LAMA1: variants seen among roughly 807,000 people sequenced by gnomAD.
The protein encoded by LAMA1 is laminin subunit alpha 1.
Under a neutral mutation model 348.7 loss-of-function variants are expected in LAMA1, and 219 were observed. The observed-to-expected ratio is 0.63, with a 90% CI of 0.56 to 0.70. The LOEUF (loss-of-function observed/expected upper bound fraction) is 0.70, where lower values mean the gene tolerates loss of function less well. LAMA1 is among the 30% of genes least tolerant of loss of function. The probability of loss-of-function intolerance (pLI) is 0.00; values close to 1 mark genes in which losing one functional copy is unlikely to be tolerated. For missense variants in LAMA1, 3,744 were observed against 3,888.0 expected (o/e 0.96, Z 0.99); for synonymous variants, 1,487 against 1,491.0 (o/e 1.00, Z 0.06).
chr18:7,105,183 A>C (rs2058306933), intron 1 of LAMA1, among the ~76,000 whole-genome samples: 1 of 152,158 alleles, frequency 6.6e-6, no homozygotes, highest in Non-Finnish European at 1.5e-5. Context: ...TCACACCTGT[A>C]AGCCCAGCAC....
At chr18:6,956,575 T>C (rs754034695) in intron 56 of LAMA1, 61 bp downstream of exon 56, 11 of 1,611,630 alleles carry the variant, frequency 6.8e-6, no homozygotes, top group Non-Finnish European at 5.9e-6. Flanking sequence ...TTTAACTCCC[T>C]CTGTCCTAGG....
intron 29 of LAMA1, among the ~76,000 whole-genome samples, chr18:7,006,288 T>C (rs1173058909): frequency 6.6e-6 from 1 of 152,156 alleles, no homozygotes; most frequent in Admixed American, 6.5e-5. Flanking sequence ...CCGAGACCAA[T>C]CTTGGCCTAG....
At chr18:7,053,510 T>C (rs546620790) in intron 3 of LAMA1, among the ~76,000 whole-genome samples, 5 of 152,106 alleles carry the variant, frequency 3.3e-5, no homozygotes, top group African/African-American at 1.2e-4. Context: ...AAATGTCTAT[T>C]AATTGAAAAA....
rs914044090 is a variant in LAMA1, at chr18:7,043,084, T to C, written c.1155+143A>G. 25 of 765,646 alleles carry C rather than the reference T, an allele frequency of 3.3e-5. No homozygotes were observed. In the East Asian group the frequency reaches 3.9e-4, roughly 12 times the overall value. 47.4% of individuals were successfully genotyped at this position (765,646 alleles called of 1,614,324 possible). ...GAAAAGCAGGATAGAGTAGGAAATA[T>C]ATATATAAAAACACTACTGGCATAA... On this transcript the variant is annotated intron_variant, in intron 8 of 62. Coordinates refer to ENST00000389658, the MANE Select transcript of LAMA1 (RefSeq NM_005559.4).
At chr18:7,007,084 C>T (rs2057835440) in intron 29 of LAMA1, 55 bp downstream of exon 29, 7 of 1,605,372 alleles carry the variant, frequency 4.4e-6, no homozygotes, top group Non-Finnish European at 6.0e-6. Flanking sequence ...AAATCTGACA[C>T]TCAGCGTCCA....
Position 7,100,518 on chromosome 18 carries a change from G to A in LAMA1, c.61+17142C>T, listed in dbSNP as rs114836910. On this transcript the variant is annotated intron_variant, in intron 1 of 62. Transcript: ENST00000389658. ...CCTATATCTAAACAAAGAATTGTATGTGAATGTTTACAGCATTCTTCTTGA... is the reference window on the plus strand; with the variant it reads ...CCTATATCTAAACAAAGAATTGTATATGAATGTTTACAGCATTCTTCTTGA... Among the ~76,000 whole-genome samples the A allele has an allele frequency of 3.3e-3, 506 of 152,296 alleles. 3 individuals carry two copies. Among genetic ancestry groups the A allele is most frequent in the African/African-American group, 0.012 (484 of 41,556 alleles).
chr18:7,007,055 C>T lies in LAMA1; in HGVS notation c.4260+84G>A, dbSNP rs990773471. 29 of 1,562,516 alleles carry T rather than the reference C, an allele frequency of 1.9e-5. No individual in the cohort carries two copies. In the African/African-American group the frequency reaches 3.3e-4, roughly 18 times the overall value. On this transcript the variant is annotated intron_variant, in intron 29 of 62. Transcript: ENST00000389658. ...TTTAACCTCTCACTAAACCAAGGCA[C>T]GGCTATGACTTAGACCGGAAATCTG...
chr18:6,949,037 C>A (rs1002951162), intron 59 of LAMA1, 64 bp downstream of exon 59: 1 of 1,593,686 alleles, frequency 6.3e-7, no homozygotes, highest in African/African-American at 1.3e-5. Flanking sequence ...GTGAGGTATG[C>A]TCTTCTACAA....
chr18:7,024,635 C>A (rs1481335683), intron 17 of LAMA1, among the ~76,000 whole-genome samples, 169 bp from the exon 18 acceptor site: 2 of 152,190 alleles, frequency 1.3e-5, no homozygotes, highest in Non-Finnish European at 2.9e-5. Context: ...GAGTCTCAAC[C>A]CCTCACAGAC....
chr18:6,964,920 C>T lies in LAMA1; in HGVS notation c.7196-117G>A, dbSNP rs143869606. On this transcript the variant is annotated intron_variant, in intron 50 of 62. Coordinates refer to ENST00000389658, the MANE Select transcript of LAMA1 (RefSeq NM_005559.4). ...CAAATGCATATTCTTTTAGATTCTG[C>T]GAATTTGATCAGCTAATGTTCTTGG... is the stretch of plus-strand genomic sequence containing the variant. The T allele has an allele frequency of 1.7e-3, 1,976 of 1,165,946 alleles. 29 individuals carry two copies. In the African/African-American group the frequency reaches 0.024, roughly 14 times the overall value. 72.2% of individuals were successfully genotyped at this position (1,165,946 alleles called of 1,614,324 possible).
chr18:7,045,861 A>AATCTTG (rs1344980603), intron 6 of LAMA1, among the ~76,000 whole-genome samples: 1 of 152,034 alleles, frequency 6.6e-6, no homozygotes, highest in African/African-American at 2.4e-5. Context: ...GCCCCTTTTA[A>AATCTTG]ATCTTGATTT....
At position 7,104,687 on chromosome 18, in the gene LAMA1, A is replaced by G. The variant is rs1199723180; in HGVS notation, c.61+12973T>C. On this transcript the variant is annotated intron_variant, in intron 1 of 62. Transcript: ENST00000389658. ...TCAATAGAGAATGAGATGCCATTGA[A>G]GCAATTCAACAGGGATGGCATGACA... 2.0e-5 allele frequency among the ~76,000 whole-genome samples: 3 copies of G among 152,360 alleles called. No homozygotes were observed. In the East Asian group the frequency reaches 5.8e-4, roughly 29 times the overall value.
In LAMA1 at chr18:6,975,908, G is replaced by C. The variant is rs1449021603; in HGVS notation, c.6489+29C>G. On this transcript the variant is annotated intron_variant, in intron 45 of 62. Coordinates refer to ENST00000389658, the MANE Select transcript of LAMA1 (RefSeq NM_005559.4). Reference sequence around the variant, plus strand: ...AATCTAGAAGTGCATAAAAGATTCAGTGTCGCTTTCCAAAGGTCCATAACT... The same window carrying C: ...AATCTAGAAGTGCATAAAAGATTCACTGTCGCTTTCCAAAGGTCCATAACT... The C allele has an allele frequency of 2.5e-6, 4 of 1,613,500 alleles. No individual in the cohort carries two copies. The African/African-American group carries it at 5.3e-5, about 22-fold the overall frequency.
chr18:7,015,588 G>GTTTTT (rs35052861), intron 22 of LAMA1, 134 bp downstream of exon 22: 73 of 917,682 alleles, frequency 8.0e-5, no homozygotes, highest in Non-Finnish European at 9.5e-5. Flanking sequence ...CCCACATTGA[G>GTTTTT]TTTTTTTTTT....
intron 1 of LAMA1, among the ~76,000 whole-genome samples, chr18:7,085,298 T>A (rs962559996): frequency 6.6e-6 from 1 of 152,048 alleles, no homozygotes; most frequent in Non-Finnish European, 1.5e-5. Context: ...TTTGGAAAAG[T>A]AGGAATTTAA....
At chr18:7,065,011 A>G (rs2058116826) in intron 3 of LAMA1, among the ~76,000 whole-genome samples, 1 of 151,574 alleles carries the variant, frequency 6.6e-6, no homozygotes, top group Non-Finnish European at 1.5e-5. Flanking sequence ...GGGCAGGTGG[A>G]TCACAAGGTC....
At chr18:6,995,141 G>T (rs771614113) in intron 34 of LAMA1, among the ~76,000 whole-genome samples, 15 of 152,240 alleles carry the variant, frequency 9.9e-5, no homozygotes, top group Non-Finnish European at 2.1e-4. Context: ...CAGCAGAGAT[G>T]ACAACAGACA....
At chr18:7,060,487 T>C (rs2058098228) in intron 3 of LAMA1, among the ~76,000 whole-genome samples, 1 of 152,190 alleles carries the variant, frequency 6.6e-6, no homozygotes, top group South Asian at 2.1e-4. Flanking sequence ...AGGGACAGGC[T>C]GCCAATAGTG....
At chr18:7,117,267 A>C (rs2058361078) in intron 1 of LAMA1, among the ~76,000 whole-genome samples, 5 of 142,634 alleles carry the variant, frequency 3.5e-5, no homozygotes, top group Admixed American at 6.9e-5. Context: ...CAGCCCCGCC[A>C]CCCCCGCCCG....
Sources: allele counts gnomAD v4.1 joint callset (sites outside exome capture counted in the v4.1 genomes callset), GRCh38; gene constraint gnomAD v4.1.1; transcripts MANE v1.5; gene names NCBI Gene and HGNC (gene_info 2026-07-23, HGNC 2026-07-21).